ART1: variants seen among roughly 807,000 people sequenced by gnomAD.
ART1 encodes ADP-ribosyltransferase 1.
Under a neutral mutation model 27.0 loss-of-function variants are expected in ART1, and 29 were observed. That is an observed-to-expected ratio of 1.08 (90% CI 0.80 to 1.47). ART1 has a LOEUF of 1.47. ART1 is among the 40% of genes most tolerant of loss of function. The pLI is 0.00. For missense variants in ART1, 480 were observed against 423.0 expected (o/e 1.13, Z -1.18); for synonymous variants, 201 against 172.2 (o/e 1.17, Z -1.31).
intron 1 of ART1, among the ~76,000 whole-genome samples, chr11:3,654,874 C>G (rs2077557275): frequency 6.6e-6 from 1 of 152,232 alleles, no homozygotes; most frequent in Non-Finnish European, 1.5e-5. Context: ...CAAGCCTCTC[C>G]TCCCCTCAAG....
chr11:3,662,088 C>T (rs1763679297), intron 4 of ART1, among the ~76,000 whole-genome samples: 1 of 152,246 alleles, frequency 6.6e-6, no homozygotes, highest in South Asian at 2.1e-4. Flanking sequence ...GCAGAACCCA[C>T]TGTCTCTGTT....
chr11:3,659,457 C>A, intron 2 of ART1, 126 bp from the exon 3 acceptor site: 1 of 1,366,122 alleles, frequency 7.3e-7, no homozygotes, highest in Non-Finnish European at 9.9e-7. Flanking sequence ...GGTTCCCAAT[C>A]CCCTTCCCCA....
At chr11:3,655,362 G>T (rs1212354257) in intron 1 of ART1, 1 of 152,220 alleles carries the variant, frequency 6.6e-6, no homozygotes, top group East Asian at 1.9e-4. Context: ...TTAAAAGCCT[G>T]TTACCACTGT....
chr11:3,659,077 C>A, intron 1 of ART1, 85 bp from the exon 2 acceptor site: 2 of 796,484 alleles, frequency 2.5e-6, no homozygotes, highest in Non-Finnish European at 2.0e-6. Flanking sequence ...TCTTATGACT[C>A]TCAGTGCCAA....
At chr11:3,645,273 T>A (rs1245982983) in intron 1 of ART1, 94 bp downstream of exon 1, 1 of 151,968 alleles carries the variant, frequency 6.6e-6, no homozygotes, top group African/African-American at 2.4e-5. Flanking sequence ...TTAGGAGTCA[T>A]GAGAAAAAGT....
At chr11:3,652,072 T>C (rs2077527256) in intron 1 of ART1, among the ~76,000 whole-genome samples, 1 of 151,756 alleles carries the variant, frequency 6.6e-6, no homozygotes, top group South Asian at 2.1e-4. Context: ...CATCTGCTAT[T>C]CTGCTACTCC....
chr11:3,664,160 G>A lies in ART1; in HGVS notation c.955G>A (p.Ala319Thr). The A allele has an allele frequency of 6.2e-7, 1 of 1,613,982 alleles. No individual in the cohort carries two copies. The highest frequency in any genetic ancestry group is 8.5e-7 in the Non-Finnish European group (1 of 1,179,994). Residue 319 changes from alanine (A) to threonine (T), a missense_variant, in exon 5 of 5, where the codon GCC becomes ACC. Transcript: ENST00000250693. ...LLLLWFLVVR[A>T]FPDGPGLL ...GCTGCTCTGGTTCCTCGTGGTGAGGGCCTTTCCAGATGGTCCAGGCCTCCT... is the reference window on the plus strand; with the variant it reads ...GCTGCTCTGGTTCCTCGTGGTGAGGACCTTTCCAGATGGTCCAGGCCTCCT...
Position 3,660,378 on chromosome 11 carries a change from GC to G in ART1, c.844+16del. ...GTACATCAAAGGTAGGAGGGCAAGC[GC>G]TGGTCGGCACCTGTGCGGAAGGTGG... On this transcript the variant is annotated intron_variant, in intron 3 of 4. Coordinates refer to ENST00000250693, the MANE Select transcript of ART1 (RefSeq NM_004314.3). 1 of 1,589,764 alleles carries G rather than the reference GC, an allele frequency of 6.3e-7. No homozygotes were observed. Among genetic ancestry groups the G allele is most frequent in the Non-Finnish European group, 8.5e-7 (1 of 1,172,570 alleles).
chr11:3,661,544 G>C, intron 4 of ART1, 131 bp downstream of exon 4: 1 of 668,126 alleles, frequency 1.5e-6, no homozygotes. Context: ...GCCCAGGCTG[G>C]AGTGCAATGG....
chr11:3,646,881 A>G (rs2077472874), intron 1 of ART1, among the ~76,000 whole-genome samples: 1 of 152,248 alleles, frequency 6.6e-6, no homozygotes, highest in Non-Finnish European at 1.5e-5. Flanking sequence ...AATAATGAGC[A>G]AGATGAGCTT....
At chr11:3,650,723 T>C (rs925760221) in intron 1 of ART1, among the ~76,000 whole-genome samples, 18 of 152,062 alleles carry the variant, frequency 1.2e-4, no homozygotes, top group Non-Finnish European at 2.6e-4. Flanking sequence ...AACTAAATTA[T>C]CTGCTTCCCT....
At chr11:3,657,302 C>T (rs1197096083) in intron 1 of ART1, among the ~76,000 whole-genome samples, 1 of 152,110 alleles carries the variant, frequency 6.6e-6, no homozygotes, top group Non-Finnish European at 1.5e-5. Context: ...AGGCTGGGAG[C>T]TGTGGCTCAC....
chr11:3,664,133 C>T lies in ART1; in HGVS notation c.928C>T (p.Leu310=), dbSNP rs1248980041. 1 of 1,614,082 alleles carries T rather than the reference C, an allele frequency of 6.2e-7. No individual in the cohort carries two copies. The highest frequency in any genetic ancestry group is 1.7e-5 in the Admixed American group (1 of 60,022). The change falls in exon 5 of 5, where the codon CTG becomes TTG. Residue 310 remains leucine, a synonymous_variant. Coordinates refer to ENST00000250693, the MANE Select transcript of ART1 (RefSeq NM_004314.3). ...CCTCTCTGCAGTCTGGTCTTTGCTG[C>T]TGCTGCTCTGGTTCCTCGTGGTGAG... The part of the protein sequence containing the change: ...SPLSAVWSLL[L]LLWFLVVRAF...
intron 1 of ART1, among the ~76,000 whole-genome samples, chr11:3,656,386 A>ATTTT (rs140826062): frequency 2.1e-5 from 3 of 141,540 alleles, no homozygotes; most frequent in South Asian, 4.5e-4. Context: ...TTATTTATTT[A>ATTTT]TTTTTTAAAT....
Position 3,660,305 on chromosome 11 carries a change from C to T in ART1, c.786C>T (p.Ala262=), listed in dbSNP as rs760627847. 2 of 1,608,632 alleles carry T rather than the reference C, an allele frequency of 1.2e-6. No homozygotes were observed. The highest frequency in any genetic ancestry group is 1.7e-6 in the Non-Finnish European group (2 of 1,179,962). ...CCAGCAGACTGGCCCAGGGCCCCGC[C>T]CGCATCTACCTCCGAGCCCTGGGCA... ...INASRLAQGP[A]RIYLRALGKH... Residue 262 remains alanine (A), a synonymous_variant, in exon 3 of 5, where the codon GCC becomes GCT. Transcript: ENST00000250693.
chr11:3,652,410 T>G (rs1342599016), intron 1 of ART1, among the ~76,000 whole-genome samples: 1 of 149,206 alleles, frequency 6.7e-6, no homozygotes, highest in African/African-American at 2.6e-5. Context: ...AACCTTTATA[T>G]CCCTTACGGT....
chr11:3,658,284 G>C (rs1250836214), intron 1 of ART1, among the ~76,000 whole-genome samples: 4 of 148,892 alleles, frequency 2.7e-5, no homozygotes, highest in Admixed American at 6.8e-5. Context: ...AGTGCGCCGA[G>C]ATCACGCCAC....
At chr11:3,654,747 C>G (rs61878550) in intron 1 of ART1, among the ~76,000 whole-genome samples, 1 of 136,796 alleles carries the variant, frequency 7.3e-6, no homozygotes, top group South Asian at 2.5e-4. Flanking sequence ...TCTGTCTATC[C>G]TCACTGCCAT....
At chr11:3,656,159 C>T (rs902105160) in intron 1 of ART1, among the ~76,000 whole-genome samples, 2 of 151,836 alleles carry the variant, frequency 1.3e-5, no homozygotes, top group Non-Finnish European at 2.9e-5. Flanking sequence ...GTTTCAAACT[C>T]CTGACCTCAG....
Sources: allele counts gnomAD v4.1 joint callset (sites outside exome capture counted in the v4.1 genomes callset), GRCh38; gene constraint gnomAD v4.1.1; transcripts MANE v1.5; gene names NCBI Gene and HGNC (gene_info 2026-07-23, HGNC 2026-07-21).